STARD13: variants seen among roughly 807,000 people sequenced by gnomAD.
The protein encoded by STARD13 is stAR-related lipid transfer protein 13.
A neutral mutation model predicts 106.4 loss-of-function variants in STARD13; 62 were observed. The ratio of observed to expected loss-of-function variants is 0.58; its 90% confidence interval spans 0.48 to 0.72. The LOEUF (loss-of-function observed/expected upper bound fraction) is 0.72, where lower values mean the gene tolerates loss of function less well. Ranked by LOEUF, STARD13 falls within the 30% of genes least tolerant of loss-of-function variation. The pLI, the probability that STARD13 is intolerant of heterozygous loss-of-function variation, is 0.00. For missense variants in STARD13, 1,387 were observed against 1,424.0 expected (o/e 0.97, Z 0.42); for synonymous variants, 565 against 553.0 (o/e 1.02, Z -0.31).
At chr13:33,414,322 G>A in the STARD13 span, among the ~76,000 whole-genome samples, 1 of 152,060 alleles carries the variant, frequency 6.6e-6, no homozygotes, top group Non-Finnish European at 1.5e-5. Flanking sequence ...AAAAACTTAG[G>A]TTCACACAAA....
the STARD13 span, among the ~76,000 whole-genome samples, chr13:33,613,373 A>C: frequency 6.6e-6 from 1 of 152,208 alleles, no homozygotes; most frequent in East Asian, 1.9e-4. Context: ...TCCACAGAGC[A>C]AAGTAGTGTG....
At chr13:33,671,919 G>A in the STARD13 span, among the ~76,000 whole-genome samples, 3 of 152,070 alleles carry the variant, frequency 2.0e-5, no homozygotes, top group African/African-American at 7.2e-5. Flanking sequence ...ACTGTTGGTG[G>A]GAGTGTAAAT....
chr13:33,552,392 AAC>A, the STARD13 span, among the ~76,000 whole-genome samples: 1 of 152,198 alleles, frequency 6.6e-6, no homozygotes, highest in Non-Finnish European at 1.5e-5. Context: ...TAGGCCATAA[AAC>A]ACATCTGAAT....
intron 8 of STARD13, among the ~76,000 whole-genome samples, chr13:33,117,265 T>G (rs1378472701): frequency 6.6e-6 from 1 of 152,132 alleles, no homozygotes; most frequent in African/African-American, 2.4e-5. Context: ...CCCGCCACCA[T>G]GCCTGGCTAA....
chr13:33,621,680 C>CAA, the STARD13 span, among the ~76,000 whole-genome samples: 181 of 82,280 alleles, frequency 2.2e-3, 1 homozygote, highest in African/African-American at 8.4e-3. Flanking sequence ...ACTCAGTCTC[C>CAA]AAAAAAAAAA....
the STARD13 span, among the ~76,000 whole-genome samples, chr13:33,388,373 CATA>C: frequency 6.6e-6 from 1 of 152,214 alleles, no homozygotes; most frequent in African/African-American, 2.4e-5. Context: ...CCAGCAGAGG[CATA>C]ATATCTTAGT....
At chr13:33,477,262 G>A in the STARD13 span, among the ~76,000 whole-genome samples, 7 of 152,148 alleles carry the variant, frequency 4.6e-5, no homozygotes, top group African/African-American at 1.4e-4. Flanking sequence ...TGCTTAAAGG[G>A]TTTTCAGGGT....
intron 1 of STARD13, among the ~76,000 whole-genome samples, chr13:33,282,758 G>A (rs538271628): frequency 7.9e-5 from 12 of 152,280 alleles, no homozygotes; most frequent in African/African-American, 2.9e-4. Context: ...AGGGCACAAT[G>A]GCTCACATTT....
At chr13:33,517,604 G>A in the STARD13 span, among the ~76,000 whole-genome samples, 4 of 152,054 alleles carry the variant, frequency 2.6e-5, no homozygotes, top group African/African-American at 9.7e-5. Context: ...GTGCATAAAG[G>A]TTCCTCTGAT....
the STARD13 span, among the ~76,000 whole-genome samples, chr13:33,398,801 T>G: frequency 5.3e-5 from 8 of 152,324 alleles, no homozygotes; most frequent in African/African-American, 1.9e-4. Flanking sequence ...CCTCATACAT[T>G]GCTGGAGAAA....
intron 1 of STARD13, 134 bp downstream of exon 1, chr13:33,285,336 A>G: frequency 4.2e-6 from 4 of 960,290 alleles, no homozygotes; most frequent in Non-Finnish European, 4.6e-6. Context: ...TTATTTTTCA[A>G]AGTTACGGGT....
the STARD13 span, among the ~76,000 whole-genome samples, chr13:33,395,132 T>C: frequency 0.015 from 2,353 of 152,246 alleles, 62 homozygotes; most frequent in African/African-American, 0.054. Context: ...AGTTTAGAGG[T>C]TGAGAAACAA....
chr13:33,308,512 TTTTC>T (rs1457677578), intron 1 of STARD13, among the ~76,000 whole-genome samples: 3 of 129,802 alleles, frequency 2.3e-5, no homozygotes, highest in African/African-American at 8.0e-5. Context: ...TTCTTTTTCT[TTTTC>T]TTTCTTTTTT....
At chr13:33,311,250 T>C (rs1893127836) in intron 1 of STARD13, among the ~76,000 whole-genome samples, 1 of 151,910 alleles carries the variant, frequency 6.6e-6, no homozygotes, top group Non-Finnish European at 1.5e-5. Flanking sequence ...TGAGTCATGA[T>C]TGCACCACTG....
chr13:33,570,799 A>T, the STARD13 span, among the ~76,000 whole-genome samples: 1 of 152,284 alleles, frequency 6.6e-6, no homozygotes, highest in Non-Finnish European at 1.5e-5. Context: ...CTGTCATGTC[A>T]CACATATGGA....
At chr13:33,416,489 G>A in the STARD13 span, among the ~76,000 whole-genome samples, 1 of 152,160 alleles carries the variant, frequency 6.6e-6, no homozygotes, top group East Asian at 1.9e-4. Flanking sequence ...TAGTTGGTGA[G>A]GATGTAGTCT....
chr13:33,126,338 A>C, intron 6 of STARD13, 98 bp from the exon 7 acceptor site: 1 of 1,156,566 alleles, frequency 8.6e-7, no homozygotes, highest in Non-Finnish European at 1.3e-6. Flanking sequence ...TTTTGTTGGA[A>C]TACCCAACAG....
the STARD13 span, among the ~76,000 whole-genome samples, chr13:33,448,265 C>G: frequency 9.2e-5 from 14 of 152,160 alleles, no homozygotes; most frequent in Admixed American, 8.5e-4. Flanking sequence ...ATTCTCCCTC[C>G]TCACTACACT....
the STARD13 span, among the ~76,000 whole-genome samples, chr13:33,564,400 C>T: frequency 1.4e-5 from 2 of 143,922 alleles, no homozygotes; most frequent in African/African-American, 5.2e-5. Context: ...TGGATGCTGG[C>T]GAGGTATGGA....
Sources: gnomAD v4.1 joint callset for allele counts (sites outside exome capture counted in the v4.1 genomes callset) on GRCh38, gnomAD v4.1.1 for gene constraint, MANE v1.5 for transcripts, NCBI Gene and HGNC (gene_info 2026-07-23, HGNC 2026-07-21) for gene names.